Variants in MED1 observed in about 807,000 individuals in gnomAD.
The protein encoded by MED1 is mediator of RNA polymerase II transcription subunit 1.
Under a neutral mutation model 121.3 loss-of-function variants are expected in MED1, and 17 were observed. That is an observed-to-expected ratio of 0.14 (90% CI 0.10 to 0.21). MED1 has a LOEUF of 0.21. MED1 is among the 10% of genes least tolerant of loss of function. The pLI is 1.00. For missense variants in MED1, 1,558 were observed against 1,919.4 expected (o/e 0.81, Z 3.52); for synonymous variants, 661 against 694.4 (o/e 0.95, Z 0.76).
At position 39,431,202 on chromosome 17, in the gene MED1, G is replaced by A. The variant is rs760546521; in HGVS notation, c.576-14C>T. 3.1e-5 allele frequency: 49 copies of A among 1,596,294 alleles called. No homozygotes were observed. Among genetic ancestry groups the A allele is most frequent in the Admixed American group, 1.5e-4 (9 of 59,880 alleles). On this transcript the variant is annotated splice_polypyrimidine_tract_variant and intron_variant, in intron 8 of 16. Coordinates refer to ENST00000300651, the MANE Select transcript of MED1 (RefSeq NM_004774.4). Reference sequence around the variant, plus strand: ...TTAGTTGCTTTCCTGTAAGACAAGTGATCTATGTTTGCTTATATTTAATCC... The same window carrying A: ...TTAGTTGCTTTCCTGTAAGACAAGTAATCTATGTTTGCTTATATTTAATCC...
At chr17:39,424,793 C>A in intron 10 of MED1, 55 bp from the exon 11 acceptor site, 1 of 1,058,596 alleles carries the variant, frequency 9.4e-7, no homozygotes, top group South Asian at 1.4e-5. Context: ...TGATGGGAAT[C>A]ACAGTATGTT....
chr17:39,420,618 G>A (rs959051312), intron 13 of MED1, among the ~76,000 whole-genome samples: 2 of 151,662 alleles, frequency 1.3e-5, no homozygotes, highest in Admixed American at 1.3e-4. Context: ...ATGAGGTTTT[G>A]GAACGTTCCC....
In MED1 at chr17:39,406,743, G is replaced by C. The variant is rs1173341056; in HGVS notation, c.*732C>G. The stretch of plus-strand genomic sequence containing the variant: ...TCTGACTAATTTGCTTGGGCTTGAT[G>C]CTACAGTATTAGCACAAGCTATAAG... On this transcript the variant is annotated 3_prime_UTR_variant, in exon 17 of 17. Coordinates refer to ENST00000300651, the MANE Select transcript of MED1 (RefSeq NM_004774.4). The C allele has an allele frequency of 2.0e-6, 2 of 985,336 alleles. No homozygotes were observed. Among genetic ancestry groups the C allele is most frequent in the Non-Finnish European group, 2.4e-6 (2 of 829,824 alleles). The allele number at this position is 985,336 out of a possible 1,614,324, so 61.0% of individuals were successfully genotyped here. A position where few individuals can be genotyped will look rare whatever the true frequency, so the allele number is the denominator to read the frequency against.
At chr17:39,420,523 A>G (rs2048452505) in intron 13 of MED1, among the ~76,000 whole-genome samples, 1 of 151,924 alleles carries the variant, frequency 6.6e-6, no homozygotes. Context: ...TTTTTAATAA[A>G]ACACCTATAT....
At chr17:39,421,115 A>ATT (rs1177219302) in intron 13 of MED1, among the ~76,000 whole-genome samples, 11 of 144,208 alleles carry the variant, frequency 7.6e-5, no homozygotes, top group Non-Finnish European at 1.5e-4. Flanking sequence ...TAATTTTTGT[A>ATT]TTTTTTTTTT....
At chr17:39,437,795 G>T (rs773661625) in intron 6 of MED1, among the ~76,000 whole-genome samples, 17 of 151,860 alleles carry the variant, frequency 1.1e-4, no homozygotes, top group Non-Finnish European at 1.3e-4. Context: ...TTAGCAGGGC[G>T]TGGTAGCACA....
intron 2 of MED1, among the ~76,000 whole-genome samples, chr17:39,447,394 T>TTA: frequency 7.0e-6 from 1 of 143,480 alleles, no homozygotes; most frequent in East Asian, 2.0e-4. Flanking sequence ...TCCGTCTCAA[T>TTA]AAAAAAAAAA....
chr17:39,411,371 A>G (rs1261107643), intron 16 of MED1, among the ~76,000 whole-genome samples: 2 of 152,154 alleles, frequency 1.3e-5, no homozygotes, highest in African/African-American at 4.8e-5. Context: ...CTGCAATCCC[A>G]GCACTTTGGA....
Position 39,407,206 on chromosome 17 carries a change from AC to A in MED1, c.*268del, listed in dbSNP as rs2048310365. On this transcript the variant is annotated 3_prime_UTR_variant, in exon 17 of 17. Transcript: ENST00000300651. Reference sequence around the variant, plus strand: ...CCTTCCCTCTCCCTACACCCCTCCCACCCCCCTCCCTTTCTTAAGCAAGTAT... The same window carrying A: ...CCTTCCCTCTCCCTACACCCCTCCCACCCCCTCCCTTTCTTAAGCAAGTAT... 1 of 109,524 alleles carries A rather than the reference AC, an allele frequency of 9.1e-6. No individual in the cohort carries two copies. The highest frequency in any genetic ancestry group is 1.4e-5 in the Non-Finnish European group (1 of 73,722). The allele number at this position is 109,524 out of a possible 1,614,324, so 6.8% of individuals were successfully genotyped here. A position where few individuals can be genotyped will look rare whatever the true frequency, so the allele number is the denominator to read the frequency against.
Position 39,451,127 on chromosome 17 carries a change from G to A in MED1, c.-65C>T. ...AAGCCCTTCCCCACCACTAACGGAG[G>A]AAACAAGTTGGCTCGGGATCCCGGG... On this transcript the variant is annotated 5_prime_UTR_variant, in exon 1 of 17. Transcript: ENST00000300651. 1 of 1,587,710 alleles carries A rather than the reference G, an allele frequency of 6.3e-7. No individual in the cohort carries two copies. Among genetic ancestry groups the A allele is most frequent in the Non-Finnish European group, 8.6e-7 (1 of 1,163,114 alleles).
At chr17:39,410,920 C>A (rs537932507) in intron 16 of MED1, among the ~76,000 whole-genome samples, 199 bp from the exon 17 acceptor site, 31 of 152,278 alleles carry the variant, frequency 2.0e-4, no homozygotes, top group South Asian at 6.2e-4. Flanking sequence ...AAATTGTCAA[C>A]CTCTTATGAA....
Position 39,451,160 on chromosome 17 carries a change from G to T in MED1, c.-98C>A. ...TTGGCTCGGGATCCCGGGACGCAGGGCACCAGCAGTCCCTACTCTTCCCGG... is the reference window on the plus strand; with the variant it reads ...TTGGCTCGGGATCCCGGGACGCAGGTCACCAGCAGTCCCTACTCTTCCCGG... On this transcript the variant is annotated 5_prime_UTR_variant, in exon 1 of 17. Coordinates refer to ENST00000300651, the MANE Select transcript of MED1 (RefSeq NM_004774.4). The T allele has an allele frequency of 7.3e-7, 1 of 1,374,504 alleles. No individual in the cohort carries two copies. The highest frequency in any genetic ancestry group is 1.0e-6 in the Non-Finnish European group (1 of 970,642). 85.1% of individuals were successfully genotyped at this position (1,374,504 alleles called of 1,614,324 possible).
At chr17:39,427,113 C>A (rs1450030183) in intron 10 of MED1, among the ~76,000 whole-genome samples, 1 of 152,108 alleles carries the variant, frequency 6.6e-6, no homozygotes, top group Non-Finnish European at 1.5e-5. Flanking sequence ...AATGAGTAAG[C>A]TGATTATCTC....
At position 39,429,695 on chromosome 17, in the gene MED1, A is replaced by T. The variant is rs1358827553; in HGVS notation, c.649+1420T>A. Reference sequence around the variant, plus strand: ...TGGGAGACAGAGCAAGACTCTGCCTAAATGCCTAAAAAAAAAAAAAAAAAA... The same window carrying T: ...TGGGAGACAGAGCAAGACTCTGCCTTAATGCCTAAAAAAAAAAAAAAAAAA... On this transcript the variant is annotated intron_variant, in intron 9 of 16. Transcript: ENST00000300651. Among the ~76,000 whole-genome samples, 12 of 128,770 alleles carry T rather than the reference A, an allele frequency of 9.3e-5. 1 individual carries two copies. Among genetic ancestry groups the T allele is most frequent in the Non-Finnish European group, 1.7e-5 (1 of 59,868 alleles). The allele number at this position is 128,770 out of a possible 152,430, so 84.5% of individuals were successfully genotyped here.
In MED1 at chr17:39,408,723, G is replaced by C. The variant is rs1444987340; in HGVS notation, c.3498C>G (p.Gly1166=). 2.5e-6 allele frequency: 4 copies of C among 1,614,096 alleles called. No individual in the cohort carries two copies. The African/African-American group carries it at 4.0e-5, about 16-fold the overall frequency. ...SPITKHGLSS[G]SSSTKMKPQG... is the part of the protein sequence containing the mutation. ...GAGGTTTCATCTTGGTGCTGCTAGA[G>C]CCACTGCTCAGTCCATGCTTGGTTA... Residue 1166 remains glycine (G), a synonymous_variant, in exon 17 of 17, where the codon GGC becomes GGG. Transcript: ENST00000300651. The surrounding 1 kb of genome is among the most constrained non-coding windows in gnomAD (Gnocchi z 4.7).
chr17:39,420,791 A>ATTTTTTTTTTTTTTTTTTTT (rs71147330), intron 13 of MED1, among the ~76,000 whole-genome samples: 1 of 109,940 alleles, frequency 9.1e-6, no homozygotes, highest in Non-Finnish European at 1.7e-5. Flanking sequence ...ACATGTGCCT[A>ATTTTTTTTTTTTTTTTTTTT]TTTTTTTTTT....
rs931603151 is a variant in MED1, at chr17:39,406,801, C to T, written c.*674G>A. On this transcript the variant is annotated 3_prime_UTR_variant, in exon 17 of 17. Transcript: ENST00000300651. ...CCACCATATAAGCCTTGCTCTTCGG[C>T]CTTCCATCATTTTGAACCCTAAACC... 1.0e-6 allele frequency: 1 copy of T among 985,378 alleles called. No individual in the cohort carries two copies. Among genetic ancestry groups the T allele is most frequent in the African/African-American group, 1.7e-5 (1 of 57,188 alleles). The allele number at this position is 985,378 out of a possible 1,614,324, so 61.0% of individuals were successfully genotyped here.
Position 39,405,555 on chromosome 17 carries a change from G to A in MED1, c.*1920C>T. On this transcript the variant is annotated 3_prime_UTR_variant, in exon 17 of 17. Transcript: ENST00000300651. The stretch of plus-strand genomic sequence containing the variant: ...AACCTGGCTGAATGTCTGAGAGGCT[G>A]CTACTGTATCAACATCACAAGATAA... 7.4e-7 allele frequency: 1 copy of A among 1,342,662 alleles called. No individual in the cohort carries two copies. The highest frequency in any genetic ancestry group is 9.6e-7 in the Non-Finnish European group (1 of 1,045,894). The allele number at this position is 1,342,662 out of a possible 1,614,324, so 83.2% of individuals were successfully genotyped here. A position where few individuals can be genotyped will look rare whatever the true frequency, so the allele number is the denominator to read the frequency against.
intron 13 of MED1, among the ~76,000 whole-genome samples, chr17:39,420,436 C>A (rs139388993): frequency 1.3e-5 from 2 of 151,786 alleles, no homozygotes; most frequent in Non-Finnish European, 2.9e-5. Context: ...CTCCTGACTT[C>A]GTGATCCACC....
Sources: allele counts gnomAD v4.1 joint callset (sites outside exome capture counted in the v4.1 genomes callset), GRCh38; gene constraint gnomAD v4.1.1; non-coding constraint Gnocchi (gnomAD v3.1); transcripts MANE v1.5; gene names NCBI Gene and HGNC (gene_info 2026-07-23, HGNC 2026-07-21).